The following LRP1B variants were observed in gnomAD, a reference collection of about 807,000 sequenced individuals.
LRP1B encodes LDL receptor related protein 1B.
Under a neutral mutation model 556.6 loss-of-function variants are expected in LRP1B, and 217 were observed. That is an observed-to-expected ratio of 0.39 (90% CI 0.35 to 0.44). The LOEUF is 0.44. Ranked by LOEUF, LRP1B falls within the 20% of genes least tolerant of loss-of-function variation. The pLI, the probability that LRP1B is intolerant of heterozygous loss-of-function variation, is 1.00. For synonymous variants in LRP1B, 2,047 were observed against 1,865.8 expected, an observed-to-expected ratio of 1.10 and a Z score of -2.50; for missense variants, 5,053 against 5,620.8, an observed-to-expected ratio of 0.90 and a Z score of 3.23.
chr2:140,876,918 A>G (rs1013816958), intron 25 of LRP1B, among the ~76,000 whole-genome samples: 7 of 152,180 alleles, frequency 4.6e-5, no homozygotes, highest in African/African-American at 1.4e-4. Flanking sequence ...AAAGAATAAT[A>G]ATGTTTCAAA....
Position 140,324,027 on chromosome 2 carries a change from T to TAA in LRP1B, c.12378_12379dup (p.Tyr4127PhefsTer23), listed in dbSNP as rs1419853873. On this transcript the variant is annotated frameshift_variant, in exon 81 of 91. Coordinates refer to ENST00000389484, the MANE Select transcript of LRP1B (RefSeq NM_018557.3). LOFTEE classifies it high-confidence loss of function. Reference sequence around the variant, plus strand: ...ATTTTTAGGTCCTGCTCCATATATATAATCTTCAAAGATATCGATCCTATG... The same window carrying TAA: ...ATTTTTAGGTCCTGCTCCATATATATAAAATCTTCAAAGATATCGATCCTATG... 1.2e-6 allele frequency: 2 copies of TAA among 1,610,692 alleles called. No individual in the cohort carries two copies. The highest frequency in any genetic ancestry group is 1.7e-5 in the Admixed American group (1 of 59,872).
intron 14 of LRP1B, among the ~76,000 whole-genome samples, chr2:141,009,085 C>CT (rs1270773148): frequency 6.6e-6 from 1 of 151,836 alleles, no homozygotes; most frequent in Non-Finnish European, 1.5e-5. Flanking sequence ...AAGAAACCTC[C>CT]TTTTCTATAT....
chr2:140,710,395 T>C (rs1053809198), intron 37 of LRP1B, among the ~76,000 whole-genome samples: 1 of 151,992 alleles, frequency 6.6e-6, no homozygotes, highest in Non-Finnish European at 1.5e-5. Flanking sequence ...TAGGAGGACA[T>C]GTTAAGTTTC....
At chr2:142,011,276 G>T (rs574568789) in intron 1 of LRP1B, among the ~76,000 whole-genome samples, 1 of 152,244 alleles carries the variant, frequency 6.6e-6, no homozygotes, top group South Asian at 2.1e-4. Flanking sequence ...TTGAAAAAGT[G>T]GGAAACTTCC....
intron 35 of LRP1B, among the ~76,000 whole-genome samples, chr2:140,725,924 G>A (rs909986144): frequency 7.2e-5 from 11 of 151,984 alleles, no homozygotes; most frequent in Admixed American, 3.3e-4. Context: ...TTGCATTTGC[G>A]TAGTTTAAAT....
At chr2:140,299,818 A>G (rs1298986133) in intron 83 of LRP1B, among the ~76,000 whole-genome samples, 2 of 152,186 alleles carry the variant, frequency 1.3e-5, no homozygotes, top group Non-Finnish European at 2.9e-5. Context: ...AAAAATTACC[A>G]TGAGCAAAAC....
intron 3 of LRP1B, among the ~76,000 whole-genome samples, chr2:141,304,281 A>G (rs547320030): frequency 6.6e-6 from 1 of 151,932 alleles, no homozygotes; most frequent in South Asian, 2.1e-4. Context: ...TGTCCTGTGT[A>G]CCTATTTTTA....
At chr2:141,822,831 T>C (rs1696799701) in intron 1 of LRP1B, among the ~76,000 whole-genome samples, 1 of 152,160 alleles carries the variant, frequency 6.6e-6, no homozygotes. Flanking sequence ...GGTCTCCACC[T>C]ACAAGCTGCG....
At chr2:141,982,184 CGTAGGTGG>C (rs1181999016) in intron 1 of LRP1B, among the ~76,000 whole-genome samples, 1 of 152,128 alleles carries the variant, frequency 6.6e-6, no homozygotes, top group Non-Finnish European at 1.5e-5. Context: ...TACAGTTCTC[CGTAGGTGG>C]GTAGGTGGAG....
At chr2:140,623,295 T>C (rs1683522646) in intron 41 of LRP1B, among the ~76,000 whole-genome samples, 1 of 152,188 alleles carries the variant, frequency 6.6e-6, no homozygotes, top group African/African-American at 2.4e-5. Flanking sequence ...TACAACAATT[T>C]GTTTGAATAA....
chr2:140,733,573 G>A (rs1480929640), intron 35 of LRP1B, among the ~76,000 whole-genome samples: 1 of 152,160 alleles, frequency 6.6e-6, no homozygotes, highest in South Asian at 2.1e-4. Context: ...CAGGAGGGAT[G>A]TCAAAAATAT....
chr2:141,027,998 C>T (rs149401546), intron 11 of LRP1B, among the ~76,000 whole-genome samples: 2 of 152,094 alleles, frequency 1.3e-5, no homozygotes, highest in East Asian at 3.9e-4. Flanking sequence ...GTATAAGTCA[C>T]CCAGTCTATG....
In LRP1B at chr2:141,099,610, T is replaced by C. The variant is rs987894937; in HGVS notation, c.1014-37337A>G. ...GCACACATGTCTGCACACATAGACA[T>C]CTACATGCACATATACACATTCACA... On this transcript the variant is annotated intron_variant, in intron 7 of 90. Coordinates refer to ENST00000389484, the MANE Select transcript of LRP1B (RefSeq NM_018557.3). 1.5e-4 allele frequency among the ~76,000 whole-genome samples: 23 copies of C among 152,182 alleles called. 1 individual carries two copies. Among genetic ancestry groups the C allele is most frequent in the African/African-American group, 5.3e-4 (22 of 41,448 alleles).
intron 2 of LRP1B, among the ~76,000 whole-genome samples, chr2:141,608,355 A>C (rs1687990114): frequency 1.3e-5 from 2 of 152,366 alleles, no homozygotes; most frequent in South Asian, 2.1e-4. Flanking sequence ...ATAGCACAAA[A>C]GACACGATTG....
intron 3 of LRP1B, among the ~76,000 whole-genome samples, chr2:141,295,790 C>CACAT (rs963472660): frequency 7.1e-6 from 1 of 141,196 alleles, no homozygotes; most frequent in African/African-American, 2.5e-5. Context: ...CACACACACA[C>CACAT]ATAACAGTGG....
intron 1 of LRP1B, among the ~76,000 whole-genome samples, chr2:141,979,738 C>A (rs2105092544): frequency 6.6e-6 from 1 of 152,076 alleles, no homozygotes; most frequent in Non-Finnish European, 1.5e-5. Flanking sequence ...TTTTTTCAGG[C>A]CTGGGCAAAG....
chr2:140,820,980 C>T (rs928735174), intron 31 of LRP1B, among the ~76,000 whole-genome samples: 1 of 149,742 alleles, frequency 6.7e-6, no homozygotes, highest in Non-Finnish European at 1.5e-5. Context: ...AATTTGGTTA[C>T]AATTCTTTTT....
rs887748579 is a variant in LRP1B at position 140,430,586 on chromosome 2, G to T, written c.10414+11918C>A. Reference sequence around the variant, plus strand: ...AAGGCCAGTTTTTCTCCTTCACATCGGTCACTCCCACCTATTCCCCTGCTG... The same window carrying T: ...AAGGCCAGTTTTTCTCCTTCACATCTGTCACTCCCACCTATTCCCCTGCTG... On this transcript the variant is annotated intron_variant, in intron 66 of 90. Coordinates refer to ENST00000389484, the MANE Select transcript of LRP1B (RefSeq NM_018557.3). Among the ~76,000 whole-genome samples the T allele has an allele frequency of 2.4e-4, 36 of 152,160 alleles. 1 individual carries two copies. The highest frequency in any genetic ancestry group is 1.9e-3 in the Admixed American group (29 of 15,262).
intron 66 of LRP1B, among the ~76,000 whole-genome samples, chr2:140,430,393 T>C (rs749260229): frequency 3.3e-5 from 5 of 152,214 alleles, no homozygotes; most frequent in Non-Finnish European, 7.3e-5. Flanking sequence ...TCCTCCATCA[T>C]TAATGCCTCT....
Sources: gnomAD v4.1 joint callset for allele counts (sites outside exome capture counted in the v4.1 genomes callset) on GRCh38, gnomAD v4.1.1 for gene constraint, MANE v1.5 for transcripts, NCBI Gene and HGNC (gene_info 2026-07-23, HGNC 2026-07-21) for gene names.